The following SND1 variants were observed in gnomAD, a reference collection of about 807,000 sequenced individuals.
SND1 encodes the protein staphylococcal nuclease domain-containing protein 1.
In SND1, 38 loss-of-function variants were observed where a neutral mutation model predicts 121.7. The observed-to-expected ratio is 0.31, with a 90% CI of 0.24 to 0.41. SND1 has a LOEUF of 0.41. SND1 is among the 10% of genes least tolerant of loss of function. The pLI is 1.00. For synonymous variants in SND1, 401 were observed against 447.4 expected, an observed-to-expected ratio of 0.90 and a Z score of 1.31; for missense variants, 868 against 1,184.6, an observed-to-expected ratio of 0.73 and a Z score of 3.92.
chr7:127,868,463 T>G (rs1011183614), intron 12 of SND1, among the ~76,000 whole-genome samples: 10 of 152,216 alleles, frequency 6.6e-5, no homozygotes, highest in African/African-American at 2.4e-4. Context: ...ATATCTTTTC[T>G]GCCTTATAGA....
intron 12 of SND1, among the ~76,000 whole-genome samples, chr7:127,849,535 A>G (rs954865929): frequency 2.6e-5 from 4 of 152,324 alleles, no homozygotes; most frequent in Non-Finnish European, 5.9e-5. Flanking sequence ...CCCCTCATCC[A>G]TGGAAAACTG....
chr7:127,715,311 C>T (rs1225573905), intron 9 of SND1, among the ~76,000 whole-genome samples: 4 of 152,080 alleles, frequency 2.6e-5, no homozygotes, highest in Non-Finnish European at 5.9e-5. Context: ...TATTCAAGTC[C>T]TTTGCGCATT....
intron 13 of SND1, among the ~76,000 whole-genome samples, chr7:127,891,724 G>A (rs1800012431): frequency 6.6e-6 from 1 of 152,018 alleles, no homozygotes; most frequent in Admixed American, 6.6e-5. Context: ...GAATGGCTTT[G>A]GTGTTGACCC....
At chr7:128,049,312 A>G (rs953248297) in intron 16 of SND1, among the ~76,000 whole-genome samples, 3 of 152,030 alleles carry the variant, frequency 2.0e-5, no homozygotes, top group African/African-American at 7.2e-5. Context: ...TAAAAGAAAC[A>G]AGTCCCTGCT....
At chr7:128,076,323 G>A (rs189555999) in intron 17 of SND1, among the ~76,000 whole-genome samples, 44 of 152,320 alleles carry the variant, frequency 2.9e-4, no homozygotes, top group Non-Finnish European at 1.2e-4. Flanking sequence ...TGACGCTGAG[G>A]AGTAATTACC....
intron 15 of SND1, among the ~76,000 whole-genome samples, chr7:127,934,900 T>TGG (rs1327473483): frequency 6.6e-6 from 1 of 152,090 alleles, no homozygotes; most frequent in African/African-American, 2.4e-5. Flanking sequence ...CCAACCTGCA[T>TGG]GGAGCGGGCT....
At chr7:127,792,377 T>C (rs1797926134) in intron 10 of SND1, among the ~76,000 whole-genome samples, 1 of 152,156 alleles carries the variant, frequency 6.6e-6, no homozygotes, top group Non-Finnish European at 1.5e-5. Context: ...TTTGTCCAAT[T>C]GTGACCTGCA....
intron 10 of SND1, among the ~76,000 whole-genome samples, chr7:127,778,611 G>A (rs1191612135): frequency 6.6e-6 from 1 of 152,202 alleles, no homozygotes; most frequent in Non-Finnish European, 1.5e-5. Flanking sequence ...ACTTAGGAGT[G>A]ACTAATCTTG....
rs1793059603 is a variant in SND1, at chr7:128,052,276, G to A, written c.1780-22226G>A. 6.6e-6 allele frequency among the ~76,000 whole-genome samples: 1 copy of A among 152,168 alleles called. No individual in the cohort carries two copies. Among genetic ancestry groups the A allele is most frequent in the African/African-American group, 2.4e-5 (1 of 41,432 alleles). Reference sequence around the variant, plus strand: ...GACTTAGGGATTACAGGCCATTTATGTCCAGCTCTAGCTCAGTGCCCCAGC... The same window carrying A: ...GACTTAGGGATTACAGGCCATTTATATCCAGCTCTAGCTCAGTGCCCCAGC... On this transcript the variant is annotated intron_variant, in intron 16 of 23. Transcript: ENST00000354725. This position sits in a 1 kb window ranked among gnomAD's most constrained non-coding sequence, Gnocchi z 4.6.
At chr7:127,951,089 T>C (rs768534405) in intron 15 of SND1, among the ~76,000 whole-genome samples, 3 of 152,188 alleles carry the variant, frequency 2.0e-5, no homozygotes, top group Non-Finnish European at 4.4e-5. Flanking sequence ...GGAAATGAAA[T>C]CAGTATCTTG....
At chr7:128,018,515 G>C (rs1803276913) in intron 16 of SND1, among the ~76,000 whole-genome samples, 1 of 152,158 alleles carries the variant, frequency 6.6e-6, no homozygotes, top group Admixed American at 6.5e-5. Context: ...GAAGAGGTTT[G>C]GGGGGAAATG....
At chr7:127,753,208 A>G (rs1429725427) in intron 10 of SND1, among the ~76,000 whole-genome samples, 3 of 152,196 alleles carry the variant, frequency 2.0e-5, no homozygotes, top group Non-Finnish European at 4.4e-5. Flanking sequence ...TTTGATGTAG[A>G]AGAGACTGGG....
intron 10 of SND1, among the ~76,000 whole-genome samples, chr7:127,796,607 C>G (rs186697566): frequency 1.3e-5 from 2 of 152,254 alleles, no homozygotes; most frequent in Non-Finnish European, 2.9e-5. Flanking sequence ...ATAACTTTGG[C>G]TTATCTCGTC....
intron 12 of SND1, among the ~76,000 whole-genome samples, chr7:127,856,597 A>C (rs903156237): frequency 2.0e-5 from 3 of 152,364 alleles, no homozygotes; most frequent in Non-Finnish European, 2.9e-5. Context: ...AGGGAGGTGG[A>C]CTGCCTTCTA....
At position 127,652,312 on chromosome 7, in the gene SND1, C is replaced by A; in HGVS notation, c.-62C>A. The A allele has an allele frequency of 1.5e-6, 2 of 1,375,448 alleles. No homozygotes were observed. Among genetic ancestry groups the A allele is most frequent in the Non-Finnish European group, 2.0e-6 (2 of 984,860 alleles). The allele number at this position is 1,375,448 out of a possible 1,614,324, so 85.2% of individuals were successfully genotyped here. A position where few individuals can be genotyped will look rare whatever the true frequency, so the allele number is the denominator to read the frequency against. On this transcript the variant is annotated 5_prime_UTR_variant, in exon 1 of 24. Coordinates refer to ENST00000354725, the MANE Select transcript of SND1 (RefSeq NM_014390.4). ...CTCGACTCCCTTTCACCAACACCGA[C>A]ACCCACATTGACACCTCCAGTCCGG...
intron 1 of SND1, among the ~76,000 whole-genome samples, chr7:127,658,925 G>T (rs149109627): frequency 1.3e-5 from 2 of 152,346 alleles, no homozygotes; most frequent in Non-Finnish European, 2.9e-5. Context: ...TCTCAGCATA[G>T]GCTAGCTATC....
chr7:127,922,175 C>CATTTTT (rs1800721879), intron 14 of SND1, among the ~76,000 whole-genome samples: 1 of 57,176 alleles, frequency 1.7e-5, no homozygotes. Context: ...TTTTTCTTTC[C>CATTTTT]TTTTTTTTTT....
chr7:127,847,787 A>G (rs1799094199), intron 12 of SND1, among the ~76,000 whole-genome samples: 1 of 152,220 alleles, frequency 6.6e-6, no homozygotes, highest in Admixed American at 6.5e-5. Flanking sequence ...TTTTTGGGAA[A>G]AGAAAGGGCT....
At chr7:128,002,589 G>A (rs1388938991) in intron 16 of SND1, among the ~76,000 whole-genome samples, 2 of 152,190 alleles carry the variant, frequency 1.3e-5, no homozygotes, top group Non-Finnish European at 2.9e-5. Flanking sequence ...AAGGAATAAT[G>A]GTTTGACCAT....
Sources: gnomAD v4.1 joint callset for allele counts (sites outside exome capture counted in the v4.1 genomes callset) on GRCh38, gnomAD v4.1.1 for gene constraint, Gnocchi (gnomAD v3.1) non-coding constraint, MANE v1.5 for transcripts, NCBI Gene and HGNC (gene_info 2026-07-23, HGNC 2026-07-21) for gene names.